Variants in BRINP3 observed in about 807,000 individuals in gnomAD.
The protein encoded by BRINP3 is BMP/retinoic acid inducible neural specific 3, also known as BMP/retinoic acid-inducible neural-specific protein 3.
A neutral mutation model predicts 71.0 loss-of-function variants in BRINP3; 19 were observed. That is an observed-to-expected ratio of 0.27 (90% CI 0.19 to 0.39). BRINP3 has a LOEUF of 0.39. Ranked by LOEUF, BRINP3 falls within the 10% of genes least tolerant of loss-of-function variation. The pLI is 1.00. For synonymous variants in BRINP3, 380 were observed against 337.7 expected (o/e 1.13, Z -1.37); for missense variants, 959 against 940.8 (o/e 1.02, Z -0.25).
chr1:190,308,331 A>T (rs374566043), intron 2 of BRINP3, among the ~76,000 whole-genome samples: 2 of 151,868 alleles, frequency 1.3e-5, no homozygotes, highest in South Asian at 2.1e-4. Flanking sequence ...CAAAACTGAA[A>T]GTGTAAAAGA....
chr1:190,388,336 T>C (rs1671043578), intron 2 of BRINP3, among the ~76,000 whole-genome samples: 1 of 151,800 alleles, frequency 6.6e-6, no homozygotes, highest in Non-Finnish European at 1.5e-5. Flanking sequence ...AGGTACTGGG[T>C]TGAATTCTGT....
chr1:190,204,660 T>C (rs997205199), intron 6 of BRINP3, among the ~76,000 whole-genome samples: 3 of 152,222 alleles, frequency 2.0e-5, no homozygotes, highest in Admixed American at 1.3e-4. Flanking sequence ...GGAATTCAAA[T>C]ATCAGATGGA....
chr1:190,343,750 T>G lies in BRINP3; in HGVS notation c.237-62000A>C, dbSNP rs75782675. ...TAAACCGACTCTGTATGTACTTCAA[T>G]TACACTAATAAGGACAGAAGAATCA... On this transcript the variant is annotated intron_variant, in intron 2 of 7. Transcript: ENST00000367462. Among the ~76,000 whole-genome samples the G allele has an allele frequency of 2.6e-5, 4 of 151,718 alleles. No individual in the cohort carries two copies. In the East Asian group the frequency reaches 7.8e-4, roughly 29 times the overall value.
intron 2 of BRINP3, among the ~76,000 whole-genome samples, chr1:190,397,520 G>A (rs942632012): frequency 4.0e-5 from 6 of 151,872 alleles, no homozygotes; most frequent in Admixed American, 3.3e-4. Flanking sequence ...AATCAGTTGT[G>A]TACCTTAGAT....
rs865870938 is a variant in BRINP3 at position 190,147,991 on chromosome 1, T to C, written c.1184+12677A>G. On this transcript the variant is annotated intron_variant, in intron 7 of 7. Coordinates refer to ENST00000367462, the MANE Select transcript of BRINP3 (RefSeq NM_199051.3). Reference sequence around the variant, plus strand: ...ACGCTATTGTGCACACTTTTTCTCTTCCTTTGTGCCCATACACACAATAAG... The same window carrying C: ...ACGCTATTGTGCACACTTTTTCTCTCCCTTTGTGCCCATACACACAATAAG... Among the ~76,000 whole-genome samples the C allele has an allele frequency of 1.3e-4, 20 of 152,342 alleles. No individual in the cohort carries two copies. In the South Asian group the frequency reaches 3.3e-3, roughly 25 times the overall value.
intron 6 of BRINP3, among the ~76,000 whole-genome samples, chr1:190,182,874 G>T (rs182751544): frequency 3.7e-3 from 557 of 152,156 alleles, no homozygotes; most frequent in Non-Finnish European, 6.6e-3. Flanking sequence ...CTTTGTGAGG[G>T]ATACACTTCT....
chr1:190,303,085 C>T (rs912905060), intron 2 of BRINP3, among the ~76,000 whole-genome samples: 12 of 151,474 alleles, frequency 7.9e-5, no homozygotes, highest in Non-Finnish European at 1.6e-4. Context: ...AACGATAATT[C>T]TTATAATTAG....
At chr1:190,476,414 A>G (rs1677507995) in intron 1 of BRINP3, among the ~76,000 whole-genome samples, 1 of 152,094 alleles carries the variant, frequency 6.6e-6, no homozygotes, top group Non-Finnish European at 1.5e-5. Context: ...TTACCGATAC[A>G]TGCAGGTTTG....
At chr1:190,379,034 C>CAAACAGAGCAAA (rs1370619317) in intron 2 of BRINP3, among the ~76,000 whole-genome samples, 4 of 152,152 alleles carry the variant, frequency 2.6e-5, no homozygotes, top group Non-Finnish European at 5.9e-5. Flanking sequence ...AGGTTAATTA[C>CAAACAGAGCAAA]TTAAATTACA....
intron 6 of BRINP3, among the ~76,000 whole-genome samples, chr1:190,185,725 T>A (rs1418022207): frequency 1.3e-5 from 2 of 152,126 alleles, no homozygotes; most frequent in Non-Finnish European, 2.9e-5. Context: ...ATATTTGATC[T>A]AAAAATGTAT....
chr1:190,405,849 C>A lies in BRINP3; in HGVS notation c.236+48806G>T, dbSNP rs373196789. Reference sequence around the variant, plus strand: ...AGAACAGACAAGTAACAAAATTAATCCAAATATATTCAGGTAATAAGACTG... The same window carrying A: ...AGAACAGACAAGTAACAAAATTAATACAAATATATTCAGGTAATAAGACTG... On this transcript the variant is annotated intron_variant, in intron 2 of 7. Transcript: ENST00000367462. Among the ~76,000 whole-genome samples the A allele has an allele frequency of 1.7e-4, 26 of 152,228 alleles. 1 individual carries two copies. In the East Asian group the frequency reaches 3.3e-3, roughly 19 times the overall value.
At chr1:190,154,118 A>G in intron 7 of BRINP3, 1 of 918,134 alleles carries the variant, frequency 1.1e-6, no homozygotes, top group African/African-American at 1.8e-5. Flanking sequence ...AGCTAGGGGA[A>G]AGAGATAAAA....
At chr1:190,240,910 AGGTATTCTCAG>A (rs1414619798) in intron 4 of BRINP3, among the ~76,000 whole-genome samples, 1 of 148,788 alleles carries the variant, frequency 6.7e-6, no homozygotes, top group Non-Finnish European at 1.5e-5. Context: ...ACCACCCTCA[AGGTATTCTCAG>A]AAATATAAAA....
At chr1:190,263,298 T>C (rs1336188797) in intron 4 of BRINP3, among the ~76,000 whole-genome samples, 2 of 152,164 alleles carry the variant, frequency 1.3e-5, no homozygotes, top group Non-Finnish European at 2.9e-5. Flanking sequence ...TTTTTATCTG[T>C]ACGGCATAAA....
At chr1:190,408,198 TATTTA>T (rs1412984352) in intron 2 of BRINP3, among the ~76,000 whole-genome samples, 4 of 49,610 alleles carry the variant, frequency 8.1e-5, no homozygotes, top group African/African-American at 1.5e-4. Flanking sequence ...ATTATTTATT[TATTTA>T]TTTTTTTTTT....
intron 2 of BRINP3, among the ~76,000 whole-genome samples, chr1:190,328,721 G>GA (rs201118005): frequency 0.16 from 14,035 of 87,898 alleles, 886 homozygotes; most frequent in South Asian, 0.3. Context: ...AGACAATGAA[G>GA]AAAAAAAAAA....
At chr1:190,381,210 G>A (rs181904453) in intron 2 of BRINP3, among the ~76,000 whole-genome samples, 17 of 152,038 alleles carry the variant, frequency 1.1e-4, no homozygotes, top group Middle Eastern at 3.4e-3. Flanking sequence ...TAAAATTTAC[G>A]TGTGTTGTCC....
At chr1:190,402,701 G>A (rs1340021224) in intron 2 of BRINP3, among the ~76,000 whole-genome samples, 2 of 152,138 alleles carry the variant, frequency 1.3e-5, no homozygotes, top group East Asian at 3.9e-4. Flanking sequence ...TTTGACACAT[G>A]TACTTTATTT....
At chr1:190,402,796 A>C (rs911316100) in intron 2 of BRINP3, among the ~76,000 whole-genome samples, 1 of 152,068 alleles carries the variant, frequency 6.6e-6, no homozygotes, top group Non-Finnish European at 1.5e-5. Flanking sequence ...CCATGGTGCC[A>C]TCATGGCTCC....
Sources: gnomAD v4.1 joint callset for allele counts (sites outside exome capture counted in the v4.1 genomes callset) on GRCh38, gnomAD v4.1.1 for gene constraint, MANE v1.5 for transcripts, NCBI Gene and HGNC (gene_info 2026-07-23, HGNC 2026-07-21) for gene names.